Variants in SLC20A2 observed in about 807,000 individuals in gnomAD.
SLC20A2 encodes the protein sodium-dependent phosphate transporter 2.
A neutral mutation model predicts 61.0 loss-of-function variants in SLC20A2; 30 were observed. The ratio of observed to expected loss-of-function variants is 0.49; its 90% CI spans 0.37 to 0.67. The LOEUF is 0.67. SLC20A2 is among the 30% of genes least tolerant of loss of function. The pLI, the probability that SLC20A2 is intolerant of heterozygous loss-of-function variation, is 0.00. For missense variants in SLC20A2, 626 were observed against 866.4 expected (o/e 0.72, Z 3.48); for synonymous variants, 351 against 353.3 (o/e 0.99, Z 0.07).
intron 8 of SLC20A2, among the ~76,000 whole-genome samples, chr8:42,431,771 T>C (rs1456721861): frequency 1.3e-5 from 2 of 152,212 alleles, no homozygotes; most frequent in Non-Finnish European, 2.9e-5. Context: ...CTATTGCTCT[T>C]AGGAATGATG....
chr8:42,431,148 G>A (rs1803843898), intron 8 of SLC20A2, among the ~76,000 whole-genome samples: 1 of 152,220 alleles, frequency 6.6e-6, no homozygotes, highest in South Asian at 2.1e-4. Context: ...TCGGAGACAG[G>A]CCAAAAACTA....
chr8:42,456,642 G>C (rs894940608), intron 5 of SLC20A2, among the ~76,000 whole-genome samples: 1 of 147,520 alleles, frequency 6.8e-6, no homozygotes, highest in African/African-American at 2.5e-5. Flanking sequence ...TGAGGCAAGA[G>C]AATTGCTTGA....
Sources: allele counts gnomAD v4.1 joint callset (sites outside exome capture counted in the v4.1 genomes callset), GRCh38; gene constraint gnomAD v4.1.1; transcripts MANE v1.5; gene names NCBI Gene and HGNC (gene_info 2026-07-23, HGNC 2026-07-21).